Variants in RGL1 observed in about 807,000 individuals in gnomAD.
RGL1 encodes ral guanine nucleotide dissociation stimulator-like 1.
In RGL1, 24 loss-of-function variants were observed where a neutral mutation model predicts 95.2. The ratio of observed to expected loss-of-function variants is 0.25; its 90% CI spans 0.18 to 0.35. The LOEUF (loss-of-function observed/expected upper bound fraction) is 0.35. Among genes scored for constraint, RGL1 ranks in the 10% least tolerant of loss-of-function variants. RGL1 has a pLI of 1.00. For synonymous variants in RGL1, 329 were observed against 344.9 expected (o/e 0.95, Z 0.51); for missense variants, 715 against 936.3 (o/e 0.76, Z 3.08).
intron 2 of RGL1, among the ~76,000 whole-genome samples, chr1:183,773,840 A>G (rs1406735266): frequency 1.3e-5 from 2 of 152,184 alleles, no homozygotes; most frequent in African/African-American, 4.8e-5. Context: ...ATCAAGGAAT[A>G]AAAAAATGGC....
chr1:183,719,106 T>C (rs1312286617), intron 1 of RGL1, among the ~76,000 whole-genome samples: 1 of 152,234 alleles, frequency 6.6e-6, no homozygotes, highest in African/African-American at 2.4e-5. Context: ...CTCTATTATC[T>C]TTCATATGGT....
chr1:183,674,592 G>C (rs866237662), intron 1 of RGL1, among the ~76,000 whole-genome samples: 18 of 152,150 alleles, frequency 1.2e-4, no homozygotes, highest in South Asian at 2.1e-4. Context: ...TCTCTTTTAG[G>C]AAGCTCTGCT....
At chr1:183,884,108 C>G (rs540760160) in intron 6 of RGL1, among the ~76,000 whole-genome samples, 198 bp downstream of exon 6, 1 of 152,346 alleles carries the variant, frequency 6.6e-6, no homozygotes, top group African/African-American at 2.4e-5. Context: ...GCTCTTCTTG[C>G]AACTCTAGGA....
intron 1 of RGL1, among the ~76,000 whole-genome samples, chr1:183,693,215 A>G (rs1654063603): frequency 6.6e-6 from 1 of 152,118 alleles, no homozygotes; most frequent in Non-Finnish European, 1.5e-5. Context: ...CGGCCTCCCA[A>G]AGTGCTGGGA....
intron 2 of RGL1, among the ~76,000 whole-genome samples, chr1:183,846,372 G>A (rs1344443565): frequency 3.3e-5 from 5 of 151,586 alleles, no homozygotes; most frequent in East Asian, 3.9e-4. Context: ...AGAGGGGAAC[G>A]TCACACATGG....
chr1:183,648,329 A>G (rs1366602286), intron 1 of RGL1: 1 of 1,614,202 alleles, frequency 6.2e-7, no homozygotes. Flanking sequence ...AAAAATAAAT[A>G]CTAAGAGTGA....
chr1:183,923,207 G>T (rs898104695), intron 17 of RGL1, among the ~76,000 whole-genome samples: 2 of 152,176 alleles, frequency 1.3e-5, no homozygotes, highest in African/African-American at 4.8e-5. Context: ...AACAAGCAGT[G>T]TCCCCTATAA....
chr1:183,887,602 C>T (rs1572556377), intron 7 of RGL1, among the ~76,000 whole-genome samples: 2 of 152,226 alleles, frequency 1.3e-5, no homozygotes, highest in East Asian at 1.9e-4. Flanking sequence ...AGTCTCCTCA[C>T]GTTGCTACCT....
rs149702898 is a variant in RGL1, at chr1:183,729,808, T to G, written c.-32-12318T>G. 2.4e-3 allele frequency among the ~76,000 whole-genome samples: 359 copies of G among 152,274 alleles called. 2 individuals are homozygous for G. The highest frequency in any genetic ancestry group is 3.8e-3 in the Non-Finnish European group (257 of 68,014). ...CTGAAAAGGACAAACTATTTAAACA[T>G]GTACCAACATAGATGAATCTCAAAA... On this transcript the variant is annotated intron_variant, in intron 1 of 18. Transcript: ENST00000304685.
At position 183,729,184 on chromosome 1, in the gene RGL1, A is replaced by G. The variant is rs868210493; in HGVS notation, c.-32-12942A>G. 7.1e-3 allele frequency among the ~76,000 whole-genome samples: 1,069 copies of G among 150,492 alleles called. 10 individuals carry two copies. Among genetic ancestry groups the G allele is most frequent in the Non-Finnish European group, 9.3e-3 (628 of 67,426 alleles). ...TAGACCTCAGACAGATAAAATATAT[A>G]TGTGTGTGTGTGTGTGTGTGTGTAT... On this transcript the variant is annotated intron_variant, in intron 1 of 18. Transcript: ENST00000304685.
intron 5 of RGL1, 37 bp downstream of exon 5, chr1:183,880,837 T>A: frequency 6.3e-7 from 1 of 1,593,768 alleles, no homozygotes; most frequent in South Asian, 1.1e-5. Flanking sequence ...AAGGCTAGAT[T>A]CTGATTCTCC....
intron 2 of RGL1, among the ~76,000 whole-genome samples, chr1:183,771,559 G>A (rs1659273145): frequency 1.3e-5 from 2 of 152,154 alleles, no homozygotes; most frequent in Admixed American, 1.3e-4. Flanking sequence ...GAACTTAAAC[G>A]CTGAAATGTT....
At chr1:183,690,916 C>T (rs890080869) in intron 1 of RGL1, among the ~76,000 whole-genome samples, 2 of 152,112 alleles carry the variant, frequency 1.3e-5, no homozygotes, top group Admixed American at 6.6e-5. Flanking sequence ...AAGATCACTT[C>T]TTGAACAACT....
At chr1:183,886,369 G>T (rs930608415) in intron 7 of RGL1, among the ~76,000 whole-genome samples, 1 of 152,052 alleles carries the variant, frequency 6.6e-6, no homozygotes, top group Non-Finnish European at 1.5e-5. Context: ...TAGTGTAGAA[G>T]TTCTCTGTTT....
At chr1:183,679,358 G>T (rs1653043969) in intron 1 of RGL1, among the ~76,000 whole-genome samples, 1 of 151,886 alleles carries the variant, frequency 6.6e-6, no homozygotes, top group Non-Finnish European at 1.5e-5. Context: ...ATCTACATTA[G>T]GTATTTCTCC....
At chr1:183,754,794 G>C (rs987993815) in intron 2 of RGL1, 1 of 152,164 alleles carries the variant, frequency 6.6e-6, no homozygotes, top group African/African-American at 2.4e-5. Context: ...AATACAAATT[G>C]AATTTTGGTG....
At chr1:183,815,996 C>A (rs1415401393) in intron 2 of RGL1, among the ~76,000 whole-genome samples, 1 of 152,154 alleles carries the variant, frequency 6.6e-6, no homozygotes, top group African/African-American at 2.4e-5. Context: ...TAGGACATGT[C>A]ATTAACATCC....
chr1:183,751,489 G>A (rs1027856190), intron 2 of RGL1, among the ~76,000 whole-genome samples: 25 of 152,194 alleles, frequency 1.6e-4, no homozygotes, highest in African/African-American at 5.8e-4. Flanking sequence ...GCTGGGGTCT[G>A]TAGGGGTTTG....
Position 183,647,664 on chromosome 1 carries a change from T to G in RGL1, c.-33+11163T>G, listed in dbSNP as rs989846211. On this transcript the variant is annotated intron_variant, in intron 1 of 18. Coordinates refer to the RGL1 transcript ENST00000304685. ...TCCCTTGGTAATTGGTTTCATGCTG[T>G]AGGAATGTAGATTTTATTTCTTCCC... The G allele has an allele frequency of 3.8e-6, 6 of 1,580,504 alleles. No homozygotes were observed. In the African/African-American group the frequency reaches 5.4e-5, roughly 14 times the overall value.
Sources: gnomAD v4.1 joint callset for allele counts (sites outside exome capture counted in the v4.1 genomes callset) on GRCh38, gnomAD v4.1.1 for gene constraint, MANE v1.5 for transcripts, NCBI Gene and HGNC (gene_info 2026-07-23, HGNC 2026-07-21) for gene names.